AGPAT2: variants seen among roughly 807,000 people sequenced by gnomAD.
AGPAT2 encodes 1-acyl-sn-glycerol-3-phosphate acyltransferase beta.
In AGPAT2, 18 loss-of-function variants were observed where a neutral mutation model predicts 26.1. The observed-to-expected ratio is 0.69, with a 90% CI of 0.48 to 1.02. The LOEUF (loss-of-function observed/expected upper bound fraction) is 1.02. Ranked by LOEUF, AGPAT2 falls within the 50% of genes least tolerant of loss-of-function variation. The pLI, the probability that AGPAT2 is intolerant of heterozygous loss-of-function variation, is 0.00. For synonymous variants in AGPAT2, 200 were observed against 174.2 expected (o/e 1.15, Z -1.16); for missense variants, 415 against 394.9 (o/e 1.05, Z -0.43).
chr9:136,684,527 G>A (rs903597338), intron 1 of AGPAT2, among the ~76,000 whole-genome samples: 5 of 150,554 alleles, frequency 3.3e-5, no homozygotes, highest in East Asian at 2.0e-4. Context: ...TAGACGGTGG[G>A]GGTCTCTTGG....
intron 2 of AGPAT2, 136 bp from the exon 3 acceptor site, chr9:136,677,272 C>T (rs1846104771): frequency 6.7e-7 from 1 of 1,500,276 alleles, no homozygotes; most frequent in Non-Finnish European, 9.1e-7. Flanking sequence ...GGCCTCCGAG[C>T]CTCTGTGTCT....
At position 136,673,836 on chromosome 9, in the gene AGPAT2, G is replaced by A; in HGVS notation, c.753C>T (p.Ala251=). ...AGATGTGGAGGAAGGTGGTCCTCATGGCCCGGTGGCAGGTGTCCACGAGCG... is the reference window on the plus strand; with the variant it reads ...AGATGTGGAGGAAGGTGGTCCTCATAGCCCGGTGGCAGGTGTCCACGAGCG... The part of the protein sequence containing the change: ...VPALVDTCHR[A]MRTTFLHISK... Residue 251 remains alanine, a synonymous_variant, in exon 6 of 6, where the codon GCC becomes GCT. Coordinates refer to ENST00000371696, the MANE Select transcript of AGPAT2 (RefSeq NM_006412.4). 6.2e-7 allele frequency: 1 copy of A among 1,606,580 alleles called. No individual in the cohort carries two copies. The highest frequency in any genetic ancestry group is 8.5e-7 in the Non-Finnish European group (1 of 1,178,124).
intron 1 of AGPAT2, among the ~76,000 whole-genome samples, chr9:136,684,094 A>C (rs1287673148): frequency 1.3e-5 from 2 of 152,236 alleles, no homozygotes; most frequent in Non-Finnish European, 2.9e-5. Context: ...CTTAAGAGGA[A>C]GAGCACCCCT....
At chr9:136,676,798 C>T (rs1288699164) in intron 3 of AGPAT2, 118 bp from the exon 4 acceptor site, 37 of 1,274,834 alleles carry the variant, frequency 2.9e-5, no homozygotes, top group South Asian at 3.7e-5. Context: ...ACCCCATCTG[C>T]GGAGCATGGA....
rs1160409112 is a variant in AGPAT2 at position 136,673,175 on chromosome 9, G to T, written c.*577C>A. On this transcript the variant is annotated 3_prime_UTR_variant, in exon 6 of 6. Transcript: ENST00000371696. ...CCAAGAGTGTGTTTATAAAAAAACAGCAACGGAGTACAGTGCTGACCCCAC... is the reference window on the plus strand; with the variant it reads ...CCAAGAGTGTGTTTATAAAAAAACATCAACGGAGTACAGTGCTGACCCCAC... 1 of 152,486 alleles carries T rather than the reference G, an allele frequency of 6.6e-6. No individual in the cohort carries two copies. The highest frequency in any genetic ancestry group is 1.9e-4 in the East Asian group (1 of 5,178). The allele number at this position is 152,486 out of a possible 1,614,324, so 9.4% of individuals were successfully genotyped here.
At chr9:136,674,702 G>GC in intron 5 of AGPAT2, 33 bp downstream of exon 5, 1 of 1,390,876 alleles carries the variant, frequency 7.2e-7, no homozygotes, top group Non-Finnish European at 9.5e-7. Context: ...GTCAGGCGGG[G>GC]CCTACACCCC....
chr9:136,685,733 A>AGG (rs1846213521), intron 1 of AGPAT2, among the ~76,000 whole-genome samples: 2 of 152,082 alleles, frequency 1.3e-5, no homozygotes, highest in South Asian at 4.1e-4. Flanking sequence ...TCAGCTGGGA[A>AGG]AGCCGCACCC....
At chr9:136,674,669 G>A in intron 5 of AGPAT2, 66 bp downstream of exon 5, 1 of 1,228,862 alleles carries the variant, frequency 8.1e-7, no homozygotes, top group East Asian at 2.9e-5. Context: ...ACGATGAGGG[G>A]CCCGGGGCTC....
At position 136,676,702 on chromosome 9, in the gene AGPAT2, G is replaced by A. The variant is rs202197152; in HGVS notation, c.493-22C>T. The A allele has an allele frequency of 2.9e-5, 47 of 1,609,040 alleles. No individual in the cohort carries two copies. The African/African-American group carries it at 5.5e-4, about 19-fold the overall frequency. On this transcript the variant is annotated intron_variant, in intron 3 of 5. Transcript: ENST00000371696. ...TGAGCTGCAGGGAGAGGAGAGCCTG[G>A]ACTGACCTCACGCCCAGGCCACCCC... is the stretch of plus-strand genomic sequence containing the variant.
In AGPAT2 at chr9:136,673,782, A is replaced by G. The variant is rs1389687613; in HGVS notation, c.807T>C (p.Thr269=). 25 of 1,603,058 alleles carry G rather than the reference A, an allele frequency of 1.6e-5. No individual in the cohort carries two copies. Among genetic ancestry groups the G allele is most frequent in the Admixed American group, 3.4e-5 (2 of 58,962 alleles). ...GGGCCGGCTGCACGCCAGACCCCGCAGTGGCCCCGTTCTCCTGGGGGGTCT... is the reference window on the plus strand; with the variant it reads ...GGGCCGGCTGCACGCCAGACCCCGCGGTGGCCCCGTTCTCCTGGGGGGTCT... ...ISKTPQENGA[T]AGSGVQPAQ The change falls in exon 6 of 6, where the codon ACT becomes ACC. Residue 269 remains threonine, a synonymous_variant. Coordinates refer to ENST00000371696, the MANE Select transcript of AGPAT2 (RefSeq NM_006412.4).
At chr9:136,674,619 C>A in intron 5 of AGPAT2, 116 bp downstream of exon 5, 1 of 707,264 alleles carries the variant, frequency 1.4e-6, no homozygotes, top group South Asian at 3.9e-5. Flanking sequence ...GCCACATGGT[C>A]ACCGTGTGGC....
At chr9:136,683,982 T>TCCATGGGGACAGGAGCCTG (rs1846192356) in intron 1 of AGPAT2, among the ~76,000 whole-genome samples, 1 of 152,166 alleles carries the variant, frequency 6.6e-6, no homozygotes. Context: ...GGGCACGTGC[T>TCCATGGGGACAGGAGCCTG]CCATGGGGAC....
Position 136,682,539 on chromosome 9 carries a change from C to T in AGPAT2, c.182+4637G>A, listed in dbSNP as rs376694650. On this transcript the variant is annotated intron_variant, in intron 1 of 5. Transcript: ENST00000371696. ...GGAGCAGGGGCAAAGCCAAGGTTGCCGGAAGCCTGGAGCTCAGGGAGCCCT... is the reference window on the plus strand; with the variant it reads ...GGAGCAGGGGCAAAGCCAAGGTTGCTGGAAGCCTGGAGCTCAGGGAGCCCT... Among the ~76,000 whole-genome samples the T allele has an allele frequency of 5.4e-4, 82 of 152,326 alleles. 2 individuals are homozygous for T. In the East Asian group the frequency reaches 7.1e-3, roughly 13 times the overall value.
chr9:136,678,542 G>A (rs1208656174), intron 1 of AGPAT2, among the ~76,000 whole-genome samples: 1 of 152,182 alleles, frequency 6.6e-6, no homozygotes, highest in Non-Finnish European at 1.5e-5. Flanking sequence ...GGGCAAGGCT[G>A]TGCCAGCGCT....
At position 136,681,663 on chromosome 9, in the gene AGPAT2, G is replaced by A. The variant is rs138695344; in HGVS notation, c.183-4107C>T. Among the ~76,000 whole-genome samples, 508 of 152,280 alleles carry A rather than the reference G, an allele frequency of 3.3e-3. 2 individuals carry two copies. Among genetic ancestry groups the A allele is most frequent in the Non-Finnish European group, 5.8e-3 (393 of 68,016 alleles). On this transcript the variant is annotated intron_variant, in intron 1 of 5. Coordinates refer to ENST00000371696, the MANE Select transcript of AGPAT2 (RefSeq NM_006412.4). Reference sequence around the variant, plus strand: ...TTAACAATACAAAAATCAGCCAGACGTGGTGGCAGCTGCCTGTAATCCCAG... The same window carrying A: ...TTAACAATACAAAAATCAGCCAGACATGGTGGCAGCTGCCTGTAATCCCAG...
At chr9:136,683,366 G>T (rs1846185682) in intron 1 of AGPAT2, among the ~76,000 whole-genome samples, 1 of 152,228 alleles carries the variant, frequency 6.6e-6, no homozygotes, top group Non-Finnish European at 1.5e-5. Flanking sequence ...CCTCGTGGAA[G>T]GCCACTCGCT....
intron 1 of AGPAT2, among the ~76,000 whole-genome samples, chr9:136,682,508 C>T (rs1409879239): frequency 6.6e-6 from 1 of 151,642 alleles, no homozygotes; most frequent in Non-Finnish European, 1.5e-5. Context: ...CTCCTTGCCT[C>T]CCCGGGGAGC....
In AGPAT2 at chr9:136,674,810, G is replaced by A; in HGVS notation, c.589-3C>T. ...TACACCACGGGGACGATGGGCACCT[G>A]CAGGCAGGGAGACGCACAGCTGAGG... On this transcript the variant is annotated splice_polypyrimidine_tract_variant and splice_region_variant and intron_variant, in intron 4 of 5. Coordinates refer to ENST00000371696, the MANE Select transcript of AGPAT2 (RefSeq NM_006412.4). The A allele has an allele frequency of 6.5e-7, 1 of 1,546,656 alleles. No homozygotes were observed. The highest frequency in any genetic ancestry group is 8.7e-7 in the Non-Finnish European group (1 of 1,145,926).
intron 1 of AGPAT2, among the ~76,000 whole-genome samples, chr9:136,684,074 G>A (rs1846193313): frequency 6.6e-6 from 1 of 152,210 alleles, no homozygotes; most frequent in South Asian, 2.1e-4. Context: ...GGTTCAATTC[G>A]GGGAGCATCC....
Sources: gnomAD v4.1 joint callset for allele counts (sites outside exome capture counted in the v4.1 genomes callset) on GRCh38, gnomAD v4.1.1 for gene constraint, MANE v1.5 for transcripts, NCBI Gene and HGNC (gene_info 2026-07-23, HGNC 2026-07-21) for gene names.